The following ERGIC1 variants were observed in gnomAD, a reference collection of about 807,000 sequenced individuals.
ERGIC1 encodes endoplasmic reticulum-Golgi intermediate compartment protein 1.
In ERGIC1, 19 loss-of-function variants were observed where a neutral mutation model predicts 38.3. The observed-to-expected ratio is 0.50, with a 90% CI of 0.35 to 0.73. The LOEUF (loss-of-function observed/expected upper bound fraction) is 0.73, where lower values mean the gene tolerates loss of function less well. Ranked by LOEUF, ERGIC1 falls within the 30% of genes least tolerant of loss-of-function variation. The probability of loss-of-function intolerance (pLI) is 0.01; values close to 1 mark genes in which losing one functional copy is unlikely to be tolerated. For synonymous variants in ERGIC1, 124 were observed against 157.6 expected (o/e 0.79, Z 1.60); for missense variants, 294 against 389.2 (o/e 0.76, Z 2.06).
intron 5 of ERGIC1, among the ~76,000 whole-genome samples, chr5:172,919,060 T>C (rs896945837): frequency 1.3e-5 from 2 of 152,174 alleles, no homozygotes; most frequent in Admixed American, 6.5e-5. Context: ...GCTCTGTGCT[T>C]GGCGCTGGGC....
intron 3 of ERGIC1, among the ~76,000 whole-genome samples, chr5:172,899,983 G>A (rs1454031938): frequency 1.3e-5 from 2 of 152,124 alleles, no homozygotes; most frequent in Middle Eastern, 3.2e-3. Flanking sequence ...TTTTAAGGCC[G>A]CTCCGCACCA....
At chr5:172,842,889 A>G (rs921617608) in intron 1 of ERGIC1, among the ~76,000 whole-genome samples, 3 of 152,220 alleles carry the variant, frequency 2.0e-5, no homozygotes, top group Non-Finnish European at 4.4e-5. Flanking sequence ...CACACCTGTA[A>G]TCCCAGCACT....
chr5:172,847,201 C>T (rs545584856), intron 1 of ERGIC1, among the ~76,000 whole-genome samples: 1 of 152,118 alleles, frequency 6.6e-6, no homozygotes, highest in South Asian at 2.1e-4. Flanking sequence ...TCTCCTTGGC[C>T]TGGCAGTGGT....
rs573021974 is a variant in ERGIC1 at position 172,891,703 on chromosome 5, G to C, written c.82+2943G>C. 5.9e-5 allele frequency among the ~76,000 whole-genome samples: 9 copies of C among 152,308 alleles called. No individual in the cohort carries two copies. In the East Asian group the frequency reaches 1.7e-3, roughly 29 times the overall value. On this transcript the variant is annotated intron_variant, in intron 2 of 9. Transcript: ENST00000393784. ...GATCCGCCTGCCTCGGCCTCCCAAA[G>C]TGCTGGGATTCCAGGCATGAGCCAC...
At chr5:172,864,353 C>T (rs1761797932) in intron 1 of ERGIC1, among the ~76,000 whole-genome samples, 1 of 146,478 alleles carries the variant, frequency 6.8e-6, no homozygotes. Context: ...CTGCAACCTC[C>T]ACCTGCCTCC....
At chr5:172,874,814 C>T (rs1762103502) in intron 1 of ERGIC1, among the ~76,000 whole-genome samples, 1 of 151,546 alleles carries the variant, frequency 6.6e-6, no homozygotes, top group Non-Finnish European at 1.5e-5. Context: ...GTCCTAGCTC[C>T]TTGAAAGGCC....
At chr5:172,900,709 CA>C (rs1171493535) in intron 3 of ERGIC1, among the ~76,000 whole-genome samples, 79 of 112,606 alleles carry the variant, frequency 7.0e-4, no homozygotes, top group East Asian at 7.8e-4. Flanking sequence ...GACCCTATCT[CA>C]AAAAAAAAAA....
chr5:172,935,590 T>A (rs1763872460), intron 9 of ERGIC1: 3 of 363,818 alleles, frequency 8.2e-6, no homozygotes, highest in Non-Finnish European at 1.5e-5. Flanking sequence ...ATGGTTCCAC[T>A]AGATGTTTAG....
chr5:172,855,093 T>C (rs1761511278), intron 1 of ERGIC1, among the ~76,000 whole-genome samples: 1 of 152,152 alleles, frequency 6.6e-6, no homozygotes, highest in African/African-American at 2.4e-5. Context: ...CTGGGCTGTG[T>C]TCCCCCAACG....
intron 1 of ERGIC1, among the ~76,000 whole-genome samples, chr5:172,872,109 C>T (rs1488674582): frequency 1.3e-5 from 2 of 152,124 alleles, no homozygotes; most frequent in African/African-American, 4.8e-5. Flanking sequence ...TTCAGATGGG[C>T]GAGGACATGT....
At chr5:172,912,124 C>T (rs575544060) in intron 4 of ERGIC1, among the ~76,000 whole-genome samples, 1 of 145,636 alleles carries the variant, frequency 6.9e-6, no homozygotes, top group East Asian at 2.2e-4. Context: ...TCTCATATTA[C>T]TCATAATATG....
At chr5:172,879,357 T>A (rs559801622) in intron 1 of ERGIC1, among the ~76,000 whole-genome samples, 21 of 152,336 alleles carry the variant, frequency 1.4e-4, no homozygotes, top group Non-Finnish European at 2.4e-4. Flanking sequence ...AGTGGGTTTC[T>A]GTTAAGGAAA....
chr5:172,887,248 G>A (rs968318190), intron 1 of ERGIC1, among the ~76,000 whole-genome samples: 5 of 152,148 alleles, frequency 3.3e-5, no homozygotes, highest in East Asian at 1.9e-4. Flanking sequence ...TGGAGCCGCC[G>A]GCCTCTCCAG....
chr5:172,885,243 C>T (rs1762389025), intron 1 of ERGIC1, among the ~76,000 whole-genome samples: 1 of 152,160 alleles, frequency 6.6e-6, no homozygotes, highest in South Asian at 2.1e-4. Context: ...GATCCTCCCA[C>T]CTCAGCCTCC....
intron 3 of ERGIC1, among the ~76,000 whole-genome samples, chr5:172,907,033 C>T (rs1014920678): frequency 6.6e-6 from 1 of 152,212 alleles, no homozygotes; most frequent in East Asian, 1.9e-4. Context: ...TGCATTCCCC[C>T]CTCACCTCAC....
At chr5:172,918,263 A>G (rs1012725452) in intron 5 of ERGIC1, 10 of 152,382 alleles carry the variant, frequency 6.6e-5, no homozygotes, top group African/African-American at 2.2e-4. Context: ...AAATATTTTA[A>G]TTACTATTTA....
At chr5:172,912,332 G>T (rs1248692259) in intron 4 of ERGIC1, among the ~76,000 whole-genome samples, 1 of 152,148 alleles carries the variant, frequency 6.6e-6, no homozygotes, top group Non-Finnish European at 1.5e-5. Context: ...TGCCTCAGTT[G>T]CCCTAGATGT....
intron 3 of ERGIC1, chr5:172,897,884 G>A (rs188691903): frequency 4.8e-6 from 2 of 413,868 alleles, no homozygotes; most frequent in East Asian, 3.6e-5. Context: ...AGTGGCTGAC[G>A]CAGAGTTAAA....
chr5:172,871,068 T>C (rs1761993877), intron 1 of ERGIC1, among the ~76,000 whole-genome samples: 1 of 152,156 alleles, frequency 6.6e-6, no homozygotes, highest in Admixed American at 6.5e-5. Context: ...GGCCGTGCTG[T>C]TGTTTGTGAA....
Sources: allele counts gnomAD v4.1 joint callset (sites outside exome capture counted in the v4.1 genomes callset), GRCh38; gene constraint gnomAD v4.1.1; transcripts MANE v1.5; gene names NCBI Gene and HGNC (gene_info 2026-07-23, HGNC 2026-07-21).